Variants in BTBD7 observed in about 807,000 individuals in gnomAD.
The protein encoded by BTBD7 is BTB/POZ domain-containing protein 7.
BTBD7 carries 38 observed loss-of-function variants against 99.9 expected under a neutral mutation model. The observed-to-expected ratio is 0.38, with a 90% CI of 0.29 to 0.50. The LOEUF (loss-of-function observed/expected upper bound fraction) is 0.50. BTBD7 is among the 20% of genes least tolerant of loss of function. BTBD7 has a pLI of 0.93. For missense variants in BTBD7, 1,170 were observed against 1,394.6 expected (o/e 0.84, Z 2.57); for synonymous variants, 520 against 511.4 (o/e 1.02, Z -0.23).
At chr14:93,319,050 C>A (rs1420303372) in intron 1 of BTBD7, among the ~76,000 whole-genome samples, 1 of 152,294 alleles carries the variant, frequency 6.6e-6, no homozygotes, top group South Asian at 2.1e-4. Context: ...TACAAAAAAA[C>A]AGAAAAATTC....
intron 1 of BTBD7, among the ~76,000 whole-genome samples, chr14:93,308,121 C>A (rs1220474834): frequency 6.6e-6 from 1 of 151,762 alleles, no homozygotes; most frequent in South Asian, 2.1e-4. Context: ...AGTGAAACCC[C>A]GTCTCTACTA....
intron 3 of BTBD7, among the ~76,000 whole-genome samples, chr14:93,291,723 C>T (rs1382754592): frequency 6.8e-6 from 1 of 148,104 alleles, no homozygotes. Flanking sequence ...CCAGATTAGA[C>T]AATGCAAAAA....
intron 3 of BTBD7, among the ~76,000 whole-genome samples, chr14:93,290,252 G>A (rs558137434): frequency 2.3e-4 from 35 of 149,522 alleles, no homozygotes; most frequent in East Asian, 3.9e-4. Context: ...TCACTCCGTC[G>A]CCCAGGTTGG....
At chr14:93,281,746 C>A (rs2052722558) in intron 3 of BTBD7, among the ~76,000 whole-genome samples, 1 of 152,138 alleles carries the variant, frequency 6.6e-6, no homozygotes, top group Admixed American at 6.5e-5. Context: ...ATCAAACTGG[C>A]CACAGTATAT....
chr14:93,325,430 T>C (rs1304504707), intron 1 of BTBD7, among the ~76,000 whole-genome samples: 1 of 59,820 alleles, frequency 1.7e-5, no homozygotes, highest in Admixed American at 1.4e-4. Context: ...GTCTGGCCTG[T>C]TTTTTAAGAA....
intron 6 of BTBD7, chr14:93,255,502 T>A (rs1482147797): frequency 6.6e-6 from 1 of 152,020 alleles, no homozygotes; most frequent in Non-Finnish European, 1.5e-5. Context: ...CTTTGCATAA[T>A]CTTTTTTTTT....
rs2053475649 is a variant in BTBD7 at position 93,332,983 on chromosome 14, T to C, written c.-270A>G. On this transcript the variant is annotated 5_prime_UTR_variant, in exon 1 of 11. Transcript: ENST00000334746. ...CTCCTCTCCTGTCAGTGGCTCAGGCTCCGGGACTGCTCCAGGTTCCCCTCG... is the reference window on the plus strand; with the variant it reads ...CTCCTCTCCTGTCAGTGGCTCAGGCCCCGGGACTGCTCCAGGTTCCCCTCG... The C allele has an allele frequency of 5.1e-6, 3 of 588,736 alleles. No homozygotes were observed. The highest frequency in any genetic ancestry group is 2.4e-5 in the South Asian group (1 of 41,248). The allele number at this position is 588,736 out of a possible 1,614,324, so 36.5% of individuals were successfully genotyped here. A position where few individuals can be genotyped will look rare whatever the true frequency, so the allele number is the denominator to read the frequency against.
chr14:93,256,037 G>A (rs1049903412), intron 6 of BTBD7: 12 of 152,188 alleles, frequency 7.9e-5, no homozygotes, highest in African/African-American at 2.6e-4. Context: ...TACCCCATAG[G>A]CAGTATGCCC....
At chr14:93,259,232 T>C (rs1472494866) in intron 5 of BTBD7, among the ~76,000 whole-genome samples, 1 of 152,176 alleles carries the variant, frequency 6.6e-6, no homozygotes, top group Non-Finnish European at 1.5e-5. Flanking sequence ...GCTGATTTAT[T>C]AACACTAACC....
intron 1 of BTBD7, among the ~76,000 whole-genome samples, chr14:93,308,974 AAAATGGT>A (rs1423120988): frequency 6.6e-6 from 1 of 152,212 alleles, no homozygotes; most frequent in Non-Finnish European, 1.5e-5. Flanking sequence ...AAAACTGGTT[AAAATGGT>A]AAATGTTATG....
intron 5 of BTBD7, among the ~76,000 whole-genome samples, chr14:93,260,782 AC>A (rs1250366623): frequency 2.0e-5 from 3 of 151,808 alleles, no homozygotes; most frequent in Admixed American, 6.6e-5. Flanking sequence ...CGAACTTCCA[AC>A]CTCAGGTGAT....
chr14:93,254,923 T>C (rs2052413004), intron 6 of BTBD7, among the ~76,000 whole-genome samples: 1 of 152,230 alleles, frequency 6.6e-6, no homozygotes, highest in Non-Finnish European at 1.5e-5. Flanking sequence ...AATACTTTTC[T>C]AAACTACATA....
At chr14:93,322,017 G>C (rs1253818261) in intron 1 of BTBD7, among the ~76,000 whole-genome samples, 2 of 152,180 alleles carry the variant, frequency 1.3e-5, no homozygotes, top group African/African-American at 4.8e-5. Context: ...TTTCTATATA[G>C]AGTGCAGCAG....
chr14:93,327,886 C>A (rs139967787), intron 1 of BTBD7, among the ~76,000 whole-genome samples: 64 of 152,202 alleles, frequency 4.2e-4, no homozygotes, highest in African/African-American at 1.5e-3. Context: ...AAAAAAGATT[C>A]CACACACAAA....
At chr14:93,306,336 G>A (rs777300307) in intron 1 of BTBD7, among the ~76,000 whole-genome samples, 1 of 151,778 alleles carries the variant, frequency 6.6e-6, no homozygotes, top group East Asian at 1.9e-4. Flanking sequence ...GGCCAGGCAC[G>A]GTGGCTCACG....
intron 10 of BTBD7, among the ~76,000 whole-genome samples, chr14:93,244,694 G>A: frequency 6.6e-6 from 1 of 151,794 alleles, no homozygotes; most frequent in Non-Finnish European, 1.5e-5. Flanking sequence ...AAATCTTGAG[G>A]TTATGTTAAA....
chr14:93,263,324 G>A (rs138490646), intron 4 of BTBD7, among the ~76,000 whole-genome samples: 65 of 152,292 alleles, frequency 4.3e-4, no homozygotes, highest in African/African-American at 1.5e-3. Flanking sequence ...AAACATTACC[G>A]TACTTTGGAA....
Position 93,264,074 on chromosome 14 carries a change from A to C in BTBD7, c.1163-81T>G, listed in dbSNP as rs2052517839. 3 of 1,299,826 alleles carry C rather than the reference A, an allele frequency of 2.3e-6. No individual in the cohort carries two copies. The East Asian group carries it at 7.1e-5, about 31-fold the overall frequency. 80.5% of individuals were successfully genotyped at this position (1,299,826 alleles called of 1,614,324 possible). ...ATTAGTGTGCTAGGCACGATATTTAAAAGTCACAATAGCAAAAAAGAACTC... is the reference window on the plus strand; with the variant it reads ...ATTAGTGTGCTAGGCACGATATTTACAAGTCACAATAGCAAAAAAGAACTC... On this transcript the variant is annotated intron_variant, in intron 3 of 10. Transcript: ENST00000334746.
chr14:93,296,080 G>A lies in BTBD7; in HGVS notation c.-29C>T, dbSNP rs951125888. The A allele has an allele frequency of 3.7e-6, 6 of 1,610,380 alleles. No individual in the cohort carries two copies. The Admixed American group carries it at 5.0e-5, about 13-fold the overall frequency. On this transcript the variant is annotated 5_prime_UTR_variant, in exon 2 of 11. An upstream open reading frame in the 5' UTR gains an earlier in-frame stop. Coordinates refer to ENST00000334746, the MANE Select transcript of BTBD7 (RefSeq NM_001002860.4). ...CTTCAGTCACTCAGGCATTCCGTCT[G>A]CGGGTTCTTCAGAGTATAATCCCAG...
Sources: allele counts gnomAD v4.1 joint callset (sites outside exome capture counted in the v4.1 genomes callset), GRCh38; gene constraint gnomAD v4.1.1; transcripts MANE v1.5; gene names NCBI Gene and HGNC (gene_info 2026-07-23, HGNC 2026-07-21).